RIT2: variants seen among roughly 807,000 people sequenced by gnomAD.
RIT2 encodes Ras like without CAAX 2, also known as GTP-binding protein Rit2.
A neutral mutation model predicts 23.7 loss-of-function variants in RIT2; 24 were observed. The observed-to-expected ratio is 1.01, with a 90% confidence interval of 0.73 to 1.43. The LOEUF (loss-of-function observed/expected upper bound fraction) is 1.43. RIT2 is among the 40% of genes most tolerant of loss of function. The probability of loss-of-function intolerance (pLI) is 0.00; values close to 1 mark genes in which losing one functional copy is unlikely to be tolerated. For synonymous variants in RIT2, 107 were observed against 91.1 expected (o/e 1.17, Z -0.99); for missense variants, 236 against 266.9 (o/e 0.88, Z 0.81).
intron 3 of RIT2, among the ~76,000 whole-genome samples, chr18:42,961,180 C>A (rs949534752): frequency 1.1e-4 from 16 of 152,182 alleles, no homozygotes; most frequent in Non-Finnish European, 1.0e-4. Flanking sequence ...ATACACCCAG[C>A]TGATATGTAT....
intron 4 of RIT2, among the ~76,000 whole-genome samples, chr18:42,766,443 T>C (rs1913423217): frequency 6.6e-6 from 1 of 152,182 alleles, no homozygotes; most frequent in South Asian, 2.1e-4. Context: ...TTGAGAAAGA[T>C]GATTTAGGGT....
intron 2 of RIT2, among the ~76,000 whole-genome samples, chr18:42,990,007 A>ATGTG (rs1491471117): frequency 4.3e-5 from 3 of 70,306 alleles, no homozygotes; most frequent in Admixed American, 4.1e-4. Flanking sequence ...GTATTTACAG[A>ATGTG]TATGTGTGTG....
chr18:42,883,236 T>G (rs911230229), intron 4 of RIT2, among the ~76,000 whole-genome samples: 1 of 152,174 alleles, frequency 6.6e-6, no homozygotes, highest in Non-Finnish European at 1.5e-5. Context: ...CACAAAACAC[T>G]ACTAAGGCTA....
intron 4 of RIT2, among the ~76,000 whole-genome samples, chr18:42,780,169 T>C (rs1424168911): frequency 1.3e-5 from 2 of 150,902 alleles, no homozygotes; most frequent in Non-Finnish European, 3.0e-5. Context: ...TTATATATTT[T>C]AGGGAGGCAG....
intron 4 of RIT2, among the ~76,000 whole-genome samples, chr18:42,835,457 A>C (rs1906570913): frequency 6.6e-6 from 1 of 152,152 alleles, no homozygotes; most frequent in South Asian, 2.1e-4. Context: ...GATTTCTCCA[A>C]AGCTTACATT....
At chr18:42,930,958 GT>G (rs1215346415) in intron 3 of RIT2, among the ~76,000 whole-genome samples, 1 of 152,130 alleles carries the variant, frequency 6.6e-6, no homozygotes, top group Non-Finnish European at 1.5e-5. Context: ...TATAAAAATG[GT>G]TTTTGACAGC....
intron 3 of RIT2, among the ~76,000 whole-genome samples, chr18:42,939,552 A>T (rs77441302): frequency 0.046 from 6,989 of 152,250 alleles, 211 homozygotes; most frequent in Middle Eastern, 0.054. Flanking sequence ...AAGAAATTCT[A>T]CTTATCTCCT....
intron 4 of RIT2, among the ~76,000 whole-genome samples, chr18:42,918,507 A>G (rs1908970891): frequency 1.3e-5 from 2 of 152,198 alleles, no homozygotes; most frequent in Admixed American, 1.3e-4. Flanking sequence ...TCAAAAAATA[A>G]GCCCTCATCA....
intron 4 of RIT2, among the ~76,000 whole-genome samples, chr18:42,773,219 G>A (rs557174367): frequency 6.6e-6 from 1 of 152,132 alleles, no homozygotes. Flanking sequence ...TGATGATAAA[G>A]TTTGATGCAG....
At chr18:43,039,915 C>A (rs918962573) in intron 1 of RIT2, among the ~76,000 whole-genome samples, 30 of 152,052 alleles carry the variant, frequency 2.0e-4, no homozygotes, top group African/African-American at 7.2e-5. Context: ...GAATTTAGGT[C>A]AAATATGAAC....
chr18:42,822,620 C>T (rs777016787), intron 4 of RIT2, among the ~76,000 whole-genome samples: 2 of 152,146 alleles, frequency 1.3e-5, no homozygotes, highest in Non-Finnish European at 2.9e-5. Context: ...ATACCTCCAG[C>T]TCTGCTCTAA....
chr18:42,929,032 G>GATATAT (rs1187388200), intron 3 of RIT2, among the ~76,000 whole-genome samples: 149 of 16,054 alleles, frequency 9.3e-3, no homozygotes, highest in African/African-American at 0.021. Flanking sequence ...CTAAAATATG[G>GATATAT]AGATATATAT....
intron 4 of RIT2, among the ~76,000 whole-genome samples, chr18:42,755,465 C>A (rs903647076): frequency 2.0e-5 from 3 of 152,160 alleles, no homozygotes; most frequent in African/African-American, 7.2e-5. Context: ...CACTGAGACA[C>A]CTTGCCTGAC....
chr18:43,115,668 C>A lies in RIT2; in HGVS notation c.-149G>T, dbSNP rs538010188. Reference sequence around the variant, plus strand: ...AGCGTCGGGCTGGCTGCTGGTCCTCCGCTCGAGCGGGTCTCATAGCAACCA... The same window carrying A: ...AGCGTCGGGCTGGCTGCTGGTCCTCAGCTCGAGCGGGTCTCATAGCAACCA... On this transcript the variant is annotated 5_prime_UTR_variant, in exon 1 of 5. Coordinates refer to ENST00000326695, the MANE Select transcript of RIT2 (RefSeq NM_002930.4). 14 of 1,163,522 alleles carry A rather than the reference C, an allele frequency of 1.2e-5. No homozygotes were observed. Among genetic ancestry groups the A allele is most frequent in the Non-Finnish European group, 1.3e-5 (11 of 871,198 alleles). The allele number at this position is 1,163,522 out of a possible 1,614,324, so 72.1% of individuals were successfully genotyped here. A position where few individuals can be genotyped will look rare whatever the true frequency, so the allele number is the denominator to read the frequency against.
intron 2 of RIT2, among the ~76,000 whole-genome samples, chr18:43,020,942 A>G (rs1046385038): frequency 6.6e-5 from 10 of 152,116 alleles, no homozygotes; most frequent in East Asian, 1.9e-4. Context: ...ACTCCAGGAC[A>G]TTGGACTAGG....
chr18:42,855,147 C>T (rs1402245054), intron 4 of RIT2, among the ~76,000 whole-genome samples: 1 of 152,096 alleles, frequency 6.6e-6, no homozygotes, highest in Non-Finnish European at 1.5e-5. Context: ...TTTTGCACAG[C>T]TAAGACATAT....
chr18:43,068,757 A>G (rs1295757202), intron 1 of RIT2, among the ~76,000 whole-genome samples: 2 of 147,852 alleles, frequency 1.4e-5, no homozygotes, highest in Admixed American at 1.4e-4. Flanking sequence ...ATGTGACTAT[A>G]GCTACTTTTC....
At chr18:43,091,073 TTAAA>T (rs1274653958) in intron 1 of RIT2, among the ~76,000 whole-genome samples, 1 of 151,954 alleles carries the variant, frequency 6.6e-6, no homozygotes, top group Non-Finnish European at 1.5e-5. Flanking sequence ...AGAAAATTCT[TTAAA>T]TAAATTAGAG....
chr18:42,780,820 C>CT (rs750695978), intron 4 of RIT2, among the ~76,000 whole-genome samples: 2,270 of 131,204 alleles, frequency 0.017, 63 homozygotes, highest in Admixed American at 0.09. Context: ...GCTTTTCAGG[C>CT]TTTTTTTTTT....
Sources: gnomAD v4.1 joint callset for allele counts (sites outside exome capture counted in the v4.1 genomes callset) on GRCh38, gnomAD v4.1.1 for gene constraint, MANE v1.5 for transcripts, NCBI Gene and HGNC (gene_info 2026-07-23, HGNC 2026-07-21) for gene names.